Variants in OR9Q1 observed in about 807,000 individuals in gnomAD.
OR9Q1 encodes the protein olfactory receptor 9Q1.
For missense variants in OR9Q1, 374 were observed against 378.8 expected (o/e 0.99, Z 0.11); for synonymous variants, 153 against 148.6 (o/e 1.03, Z -0.22).
chr11:58,147,765 T>G (rs574221121), intron 2 of OR9Q1, among the ~76,000 whole-genome samples: 1 of 152,286 alleles, frequency 6.6e-6, no homozygotes, highest in African/African-American at 2.4e-5. Flanking sequence ...CATATATTAA[T>G]AAATGAATAA....
chr11:58,114,304 C>G (rs1853930287), intron 2 of OR9Q1, among the ~76,000 whole-genome samples: 1 of 152,168 alleles, frequency 6.6e-6, no homozygotes, highest in South Asian at 2.1e-4. Flanking sequence ...ATCATTTTGT[C>G]TACATCACCT....
chr11:58,147,944 T>C (rs994977719), intron 2 of OR9Q1, among the ~76,000 whole-genome samples: 2 of 152,164 alleles, frequency 1.3e-5, no homozygotes, highest in African/African-American at 4.8e-5. Flanking sequence ...TTTTCTTTTT[T>C]TCCTTCTCAC....
At chr11:58,157,691 G>C (rs569355630) in intron 2 of OR9Q1, among the ~76,000 whole-genome samples, 1 of 152,316 alleles carries the variant, frequency 6.6e-6, no homozygotes, top group South Asian at 2.1e-4. Flanking sequence ...AGCCCATCCT[G>C]TTCAGAAAGA....
chr11:58,178,959 A>G (rs1427144934), intron 2 of OR9Q1, among the ~76,000 whole-genome samples: 1 of 124,420 alleles, frequency 8.0e-6, no homozygotes, highest in Non-Finnish European at 1.8e-5. Context: ...ATTTACATAT[A>G]ATATACATAA....
chr11:58,089,167 C>G (rs1302797740), intron 2 of OR9Q1, among the ~76,000 whole-genome samples: 1 of 151,696 alleles, frequency 6.6e-6, no homozygotes, highest in Non-Finnish European at 1.5e-5. Flanking sequence ...CGTGAGCCAC[C>G]ATGCCCAGCC....
chr11:58,163,033 C>G (rs1041260243), intron 2 of OR9Q1, among the ~76,000 whole-genome samples: 2 of 152,096 alleles, frequency 1.3e-5, no homozygotes, highest in African/African-American at 4.8e-5. Flanking sequence ...ATCAGATAGG[C>G]AATAAATACA....
intron 1 of OR9Q1, among the ~76,000 whole-genome samples, chr11:58,055,316 C>A (rs1853316807): frequency 6.6e-6 from 1 of 152,132 alleles, no homozygotes; most frequent in Non-Finnish European, 1.5e-5. Flanking sequence ...TACATAAGCA[C>A]CGATGAAATT....
At chr11:58,030,256 C>T (rs1853018090) in intron 1 of OR9Q1, among the ~76,000 whole-genome samples, 1 of 152,178 alleles carries the variant, frequency 6.6e-6, no homozygotes, top group Admixed American at 6.5e-5. Context: ...GACTGAAGCT[C>T]AGCTTTTTCC....
chr11:58,084,704 C>T (rs1157423592), intron 2 of OR9Q1, among the ~76,000 whole-genome samples: 1 of 151,818 alleles, frequency 6.6e-6, no homozygotes, highest in Non-Finnish European at 1.5e-5. Context: ...ATGATCATCT[C>T]AATAGATGCA....
rs3085835 is a variant in OR9Q1 at position 58,154,379 on chromosome 11, A to ATTTTTTTT, written c.-14-25043_-14-25036dup. Among the ~76,000 whole-genome samples the ATTTTTTTT allele has an allele frequency of 2.1e-5, 3 of 140,954 alleles. 1 individual carries two copies. Among genetic ancestry groups the ATTTTTTTT allele is most frequent in the East Asian group, 2.1e-4 (1 of 4,706 alleles). 92.5% of individuals were successfully genotyped at this position (140,954 alleles called of 152,430 possible). On this transcript the variant is annotated intron_variant, in intron 2 of 2. Coordinates refer to ENST00000335397, the MANE Select transcript of OR9Q1 (RefSeq NM_001005212.4). ...TTAGCAATAAAAATCAATGCAATGG[A>ATTTTTTTT]TTTTTTTTTTTTTTTTGTCCTGTGA...
At chr11:58,077,818 C>T (rs949481651) in intron 2 of OR9Q1, 1 of 152,106 alleles carries the variant, frequency 6.6e-6, no homozygotes, top group Non-Finnish European at 1.5e-5. Context: ...GAAAGTGGCT[C>T]CTGATAGTCC....
chr11:58,171,251 T>C (rs1854551692), intron 2 of OR9Q1: 1 of 152,210 alleles, frequency 6.6e-6, no homozygotes, highest in African/African-American at 2.4e-5. Context: ...GTTTGACAAA[T>C]GTAATCCAAT....
rs1305963856 is a variant in OR9Q1, at chr11:58,147,466, A to G, written c.-14-31965A>G. On this transcript the variant is annotated intron_variant, in intron 2 of 2. Coordinates refer to ENST00000335397, the MANE Select transcript of OR9Q1 (RefSeq NM_001005212.4). ...TGCTTAAAGGCAGGAAAAGTCTTCAAATGTAAAAACAAAGAAATGAGTAAA... is the reference window on the plus strand; with the variant it reads ...TGCTTAAAGGCAGGAAAAGTCTTCAGATGTAAAAACAAAGAAATGAGTAAA... Among the ~76,000 whole-genome samples the G allele has an allele frequency of 2.0e-5, 3 of 152,216 alleles. No individual in the cohort carries two copies. In the East Asian group the frequency reaches 5.8e-4, roughly 29 times the overall value.
At chr11:58,110,692 C>T (rs935099301) in intron 2 of OR9Q1, among the ~76,000 whole-genome samples, 1 of 152,178 alleles carries the variant, frequency 6.6e-6, no homozygotes, top group African/African-American at 2.4e-5. Context: ...TGGTCCTTCT[C>T]GACAGTACGC....
At chr11:58,136,998 AG>A (rs1854195620) in intron 2 of OR9Q1, among the ~76,000 whole-genome samples, 1 of 152,124 alleles carries the variant, frequency 6.6e-6, no homozygotes, top group African/African-American at 2.4e-5. Flanking sequence ...GTTGAACCAC[AG>A]TTTATGCACT....
intron 1 of OR9Q1, among the ~76,000 whole-genome samples, chr11:58,027,020 T>C (rs571344085): frequency 6.6e-6 from 1 of 152,352 alleles, no homozygotes; most frequent in South Asian, 2.1e-4. Flanking sequence ...CTGATGGCGA[T>C]TCAAGCATTT....
rs771082283 is a variant in OR9Q1, at chr11:58,118,945, G to T, written c.-14-60486G>T. 4.3e-6 allele frequency: 7 copies of T among 1,614,018 alleles called. No homozygotes were observed. In the South Asian group the frequency reaches 7.7e-5, roughly 18 times the overall value. On this transcript the variant is annotated intron_variant, in intron 2 of 2. Transcript: ENST00000335397. ...GTTTATTTGATTGTCCTTACAGAAG[G>T]AGAGGGTGAAGGTGCAAGTGGTACG...
rs1426106659 is a variant in OR9Q1, at chr11:58,181,388, A to C, written c.*1011A>C. On this transcript the variant is annotated 3_prime_UTR_variant, in exon 3 of 3. Transcript: ENST00000335397. ...TGCACTCTGCAGCAGCTCAGCCTGCATCCAAAGCCTCACAAAATCTGTCTG... is the reference window on the plus strand; with the variant it reads ...TGCACTCTGCAGCAGCTCAGCCTGCCTCCAAAGCCTCACAAAATCTGTCTG... The C allele has an allele frequency of 6.0e-6, 1 of 167,102 alleles. No individual in the cohort carries two copies. The highest frequency in any genetic ancestry group is 1.5e-5 in the Non-Finnish European group (1 of 68,204). The allele number at this position is 167,102 out of a possible 1,614,324, so 10.4% of individuals were successfully genotyped here.
intron 2 of OR9Q1, among the ~76,000 whole-genome samples, chr11:58,105,984 G>C (rs1853836016): frequency 6.6e-6 from 1 of 152,012 alleles, no homozygotes; most frequent in South Asian, 2.1e-4. Flanking sequence ...ATATGTCCAG[G>C]AGTGGGACTG....
Sources: allele counts gnomAD v4.1 joint callset (sites outside exome capture counted in the v4.1 genomes callset), GRCh38; gene constraint gnomAD v4.1.1; transcripts MANE v1.5; gene names NCBI Gene and HGNC (gene_info 2026-07-23, HGNC 2026-07-21).